The following PCDH11X variants were observed in gnomAD, a reference collection of about 807,000 sequenced individuals.
PCDH11X encodes the protein protocadherin 11 X-linked.
In PCDH11X, 18 loss-of-function variants were observed where a neutral mutation model predicts 53.3. That is an observed-to-expected ratio of 0.34 (90% CI 0.23 to 0.50). The LOEUF (loss-of-function observed/expected upper bound fraction) is 0.50, where lower values mean the gene tolerates loss of function less well. Ranked by LOEUF, PCDH11X falls within the 20% of genes least tolerant of loss-of-function variation. The probability of loss-of-function intolerance (pLI) is 0.98; values close to 1 mark genes in which losing one functional copy is unlikely to be tolerated. For synonymous variants in PCDH11X, 279 were observed against 393.3 expected, an observed-to-expected ratio of 0.71 and a Z score of 3.44; for missense variants, 570 against 1,032.4, an observed-to-expected ratio of 0.55 and a Z score of 6.14.
At chrX:92,431,912 A>G (rs1237950442) in intron 9 of PCDH11X, among the ~76,000 whole-genome samples, 1 of 110,371 alleles carries the variant, frequency 9.1e-6, no homozygotes, top group Admixed American at 9.7e-5. Flanking sequence ...TAACTTGGCA[A>G]TTAAATTTTC....
chrX:92,227,042 A>C (rs1335089826), intron 7 of PCDH11X, among the ~76,000 whole-genome samples: 2 of 111,671 alleles, frequency 1.8e-5, no homozygotes, highest in Non-Finnish European at 3.8e-5. Context: ...TTAACAGATA[A>C]AGTATACATT....
intron 6 of PCDH11X, among the ~76,000 whole-genome samples, chrX:92,074,464 A>G (rs150206782): frequency 0.23 from 25,090 of 110,674 alleles, 2,567 homozygotes; most frequent in East Asian, 0.4. Context: ...CATGTTTCCT[A>G]TTTTACACAT....
intron 6 of PCDH11X, among the ~76,000 whole-genome samples, chrX:91,900,704 A>G (rs1402808772): frequency 9.1e-6 from 1 of 109,327 alleles, no homozygotes; most frequent in African/African-American, 3.3e-5. Flanking sequence ...GCAAGTATCC[A>G]AAATGTCCAA....
intron 10 of PCDH11X, among the ~76,000 whole-genome samples, chrX:92,555,191 T>C (rs1031664944): frequency 1.4e-4 from 16 of 110,979 alleles, no homozygotes; most frequent in Non-Finnish European, 2.5e-4. Context: ...TTAAAGAAAA[T>C]AAAATTAAGG....
At chrX:92,525,053 C>A (rs1370172859) in intron 10 of PCDH11X, among the ~76,000 whole-genome samples, 5 of 111,946 alleles carry the variant, frequency 4.5e-5, no homozygotes, top group Non-Finnish European at 9.4e-5. Context: ...TATTCACAAA[C>A]TATTACATGT....
At chrX:92,288,789 T>C (rs2068434961) in intron 8 of PCDH11X, among the ~76,000 whole-genome samples, 2 of 109,756 alleles carry the variant, frequency 1.8e-5, no homozygotes, top group Non-Finnish European at 3.8e-5. Flanking sequence ...TACCAGGTTT[T>C]ATATCATCCC....
rs752409216 is a variant in PCDH11X, at chrX:92,020,260, C to T, written c.3033+140987C>T. ...AGCTCCTTGTGGGAGGGGTGGCAGC[C>T]AGCATTGGGACTAATAGCTGCCTAA... On this transcript the variant is annotated intron_variant, in intron 6 of 10. Transcript: ENST00000682573. Among the ~76,000 whole-genome samples, 7 of 112,057 alleles carry T rather than the reference C, an allele frequency of 6.2e-5. No individual in the cohort carries two copies. In the East Asian group the frequency reaches 2.0e-3, roughly 32 times the overall value.
intron 6 of PCDH11X, among the ~76,000 whole-genome samples, chrX:91,892,752 A>G (rs1229850712): frequency 9.3e-6 from 1 of 107,335 alleles, no homozygotes; most frequent in Non-Finnish European, 1.9e-5. Flanking sequence ...CCCAGGCTGG[A>G]GTGCAGTGGC....
intron 4 of PCDH11X, among the ~76,000 whole-genome samples, chrX:91,822,274 G>T (rs1936719225): frequency 9.3e-6 from 1 of 106,960 alleles, no homozygotes; most frequent in African/African-American, 3.6e-5. Flanking sequence ...TGTACCTCTG[G>T]TAGAATTCGG....
intron 6 of PCDH11X, among the ~76,000 whole-genome samples, chrX:92,167,636 T>G (rs1390629154): frequency 3.6e-5 from 4 of 111,778 alleles, no homozygotes; most frequent in Non-Finnish European, 7.5e-5. Context: ...GTAGATTACT[T>G]TGGCCATCTA....
intron 6 of PCDH11X, among the ~76,000 whole-genome samples, chrX:91,902,745 T>C (rs1941002233): frequency 9.2e-6 from 1 of 109,072 alleles, no homozygotes; most frequent in African/African-American, 3.3e-5. Context: ...TTTTCCCAAA[T>C]CTGGTTTCTT....
chrX:92,488,298 C>T (rs1315066862), intron 10 of PCDH11X, among the ~76,000 whole-genome samples: 2 of 110,986 alleles, frequency 1.8e-5, no homozygotes, highest in African/African-American at 6.6e-5. Flanking sequence ...TGAATGTAAG[C>T]TCACTAGAAT....
chrX:92,136,640 A>T (rs1418634961), intron 6 of PCDH11X, among the ~76,000 whole-genome samples: 2 of 103,171 alleles, frequency 1.9e-5, no homozygotes. Context: ...TGCAAAAGAC[A>T]TGATGGGGCC....
At chrX:92,556,669 C>A (rs1265425300) in intron 10 of PCDH11X, among the ~76,000 whole-genome samples, 38 of 111,359 alleles carry the variant, frequency 3.4e-4, no homozygotes, top group Admixed American at 8.6e-4. Context: ...TTACTGTCTG[C>A]AGCTTTTCCA....
chrX:92,375,902 G>A (rs1240605088), intron 8 of PCDH11X, among the ~76,000 whole-genome samples: 7 of 112,115 alleles, frequency 6.2e-5, no homozygotes, highest in Admixed American at 1.9e-4. Context: ...GATTATAGGC[G>A]TGAGCCACCG....
intron 4 of PCDH11X, among the ~76,000 whole-genome samples, chrX:91,823,685 A>G (rs1378507666): frequency 9.0e-6 from 1 of 111,159 alleles, no homozygotes; most frequent in Admixed American, 9.6e-5. Flanking sequence ...TTTAAAGTTA[A>G]TAGTATTATG....
chrX:92,452,573 C>A (rs1289236883), intron 9 of PCDH11X, among the ~76,000 whole-genome samples: 2 of 92,418 alleles, frequency 2.2e-5, no homozygotes, highest in Non-Finnish European at 4.2e-5. Context: ...TCTCTGCTCA[C>A]TGCAACCTCC....
chrX:92,327,698 G>A (rs2574081), intron 8 of PCDH11X, among the ~76,000 whole-genome samples: 22,567 of 108,919 alleles, frequency 0.21, 2,273 homozygotes, highest in East Asian at 0.74. Flanking sequence ...TGCTATTTCT[G>A]TTCAACATGG....
intron 6 of PCDH11X, among the ~76,000 whole-genome samples, chrX:92,011,865 G>C (rs888244970): frequency 4.5e-5 from 5 of 110,364 alleles, no homozygotes; most frequent in Admixed American, 9.7e-5. Context: ...AAAATCTGGA[G>C]AATAGTGACT....
Sources: allele counts gnomAD v4.1 joint callset (sites outside exome capture counted in the v4.1 genomes callset), GRCh38; gene constraint gnomAD v4.1.1; transcripts MANE v1.5; gene names NCBI Gene and HGNC (gene_info 2026-07-23, HGNC 2026-07-21).